The following CNTN4 variants were observed in gnomAD, a reference collection of about 807,000 sequenced individuals.
The protein encoded by CNTN4 is contactin-4.
CNTN4 carries 77 observed loss-of-function variants against 122.5 expected under a neutral mutation model. That is an observed-to-expected ratio of 0.63 (90% CI 0.52 to 0.76). The LOEUF is 0.76. CNTN4 is among the 30% of genes least tolerant of loss of function. The pLI is 0.00. For synonymous variants in CNTN4, 512 were observed against 447.0 expected (o/e 1.15, Z -1.83); for missense variants, 1,256 against 1,259.1 (o/e 1.00, Z 0.04).
intron 2 of CNTN4, among the ~76,000 whole-genome samples, chr3:2,259,363 T>C (rs1024887382): frequency 6.6e-6 from 1 of 152,344 alleles, no homozygotes; most frequent in Middle Eastern, 3.4e-3. Context: ...TATTTAGTTA[T>C]TCTCATGTTA....
At chr3:2,741,998 A>T (rs553177162) in intron 5 of CNTN4, among the ~76,000 whole-genome samples, 1 of 152,246 alleles carries the variant, frequency 6.6e-6, no homozygotes, top group Non-Finnish European at 1.5e-5. Flanking sequence ...GTGTCTCTGT[A>T]ACATAATAGC....
chr3:2,571,959 G>T (rs1462603762), intron 4 of CNTN4, among the ~76,000 whole-genome samples: 1 of 152,138 alleles, frequency 6.6e-6, no homozygotes, highest in Non-Finnish European at 1.5e-5. Context: ...CAGTGTCTTT[G>T]TTGATACCAC....
intron 6 of CNTN4, among the ~76,000 whole-genome samples, chr3:2,765,046 A>G (rs1369896081): frequency 1.3e-5 from 2 of 152,180 alleles, no homozygotes; most frequent in Non-Finnish European, 2.9e-5. Flanking sequence ...GTCAGAGGGA[A>G]TAATTTGTTT....
intron 6 of CNTN4, among the ~76,000 whole-genome samples, chr3:2,746,025 CA>C (rs1436313413): frequency 2.6e-5 from 4 of 150,986 alleles, no homozygotes; most frequent in Admixed American, 6.6e-5. Flanking sequence ...TTGACACCCA[CA>C]CACACCCACA....
rs571096111 is a variant in CNTN4, at chr3:2,279,646, C to G, written c.-144-59532C>G. Among the ~76,000 whole-genome samples, 82 of 152,148 alleles carry G rather than the reference C, an allele frequency of 5.4e-4. No individual in the cohort carries two copies. In the South Asian group the frequency reaches 8.7e-3, roughly 16 times the overall value. On this transcript the variant is annotated intron_variant, in intron 2 of 24. Coordinates refer to ENST00000418658, the MANE Select transcript of CNTN4 (RefSeq NM_175607.3). ...TATTTTGTCAAACCAGATGAAAAGG[C>G]ATTTTTGACAGGATTGCCTGTTTTT...
chr3:2,658,184 A>C (rs1423369313), intron 4 of CNTN4, among the ~76,000 whole-genome samples: 1 of 151,672 alleles, frequency 6.6e-6, no homozygotes, highest in Non-Finnish European at 1.5e-5. Context: ...CACCTTTTGC[A>C]GCGGGGAGGA....
At chr3:2,931,239 A>G (rs1219020934) in intron 13 of CNTN4, among the ~76,000 whole-genome samples, 1 of 152,194 alleles carries the variant, frequency 6.6e-6, no homozygotes, top group Non-Finnish European at 1.5e-5. Context: ...TATACGGACT[A>G]TTAAAGGGTA....
intron 3 of CNTN4, among the ~76,000 whole-genome samples, chr3:2,495,637 C>T (rs924521235): frequency 1.3e-5 from 2 of 152,164 alleles, no homozygotes; most frequent in African/African-American, 4.8e-5. Context: ...ATTAGATTCT[C>T]ATGGGAGTGC....
rs1480299636 is a variant in CNTN4, at chr3:2,943,627, TATA to T, written c.1358+17849_1358+17851del. ...ATAAATATATTTATATATATATATA[TATA>T]TTTTTTTTTTTTGAGACGGAGTCTT... On this transcript the variant is annotated intron_variant, in intron 13 of 24. Transcript: ENST00000418658. 9.3e-4 allele frequency among the ~76,000 whole-genome samples: 65 copies of T among 70,174 alleles called. 1 individual carries two copies. Among genetic ancestry groups the T allele is most frequent in the South Asian group, 4.8e-3 (9 of 1,882 alleles). 46.0% of individuals were successfully genotyped at this position (70,174 alleles called of 152,430 possible). A position where few individuals can be genotyped will look rare whatever the true frequency, so the allele number is the denominator to read the frequency against.
At chr3:2,880,579 T>C (rs569205457) in intron 8 of CNTN4, among the ~76,000 whole-genome samples, 19 of 152,294 alleles carry the variant, frequency 1.2e-4, no homozygotes, top group African/African-American at 4.6e-4. Flanking sequence ...GTGCAGATGC[T>C]GAAAGAAAGG....
intron 6 of CNTN4, among the ~76,000 whole-genome samples, chr3:2,760,775 C>G (rs2090554580): frequency 6.6e-6 from 1 of 152,140 alleles, no homozygotes; most frequent in Non-Finnish European, 1.5e-5. Flanking sequence ...TTTAGGTAAC[C>G]ACACATTTGG....
rs201227786 is a variant in CNTN4 at position 2,918,386 on chromosome 3, C to T, written c.1208-7243C>T. On this transcript the variant is annotated intron_variant, in intron 12 of 24. Transcript: ENST00000418658. ...GACATACTGGGGAGGAAAGAGGAGACCATGTGCTTCTGCCGAACAAGACCC... is the reference window on the plus strand; with the variant it reads ...GACATACTGGGGAGGAAAGAGGAGATCATGTGCTTCTGCCGAACAAGACCC... Among the ~76,000 whole-genome samples the T allele has an allele frequency of 3.3e-5, 5 of 152,150 alleles. No individual in the cohort carries two copies. In the East Asian group the frequency reaches 5.8e-4, roughly 18 times the overall value.
rs376636447 is a variant in CNTN4 at position 2,885,755 on chromosome 3, T to C, written c.756-1285T>C. On this transcript the variant is annotated intron_variant, in intron 9 of 24. Transcript: ENST00000418658. ...AGGCAGGGCTTGGCTGGCTGATTCT[T>C]TTGCTTTTAGTGGCATCCTTCAGGT... 3.9e-5 allele frequency among the ~76,000 whole-genome samples: 6 copies of C among 152,334 alleles called. No homozygotes were observed. The East Asian group carries it at 5.8e-4, about 15-fold the overall frequency.
chr3:2,916,238 T>G (rs920386253), intron 12 of CNTN4, among the ~76,000 whole-genome samples: 8 of 151,960 alleles, frequency 5.3e-5, no homozygotes, highest in African/African-American at 1.7e-4. Flanking sequence ...CATTCTTGGG[T>G]GTTTCTCCGA....
At chr3:2,490,103 T>C (rs1381154229) in intron 3 of CNTN4, among the ~76,000 whole-genome samples, 1 of 149,118 alleles carries the variant, frequency 6.7e-6, no homozygotes. Flanking sequence ...ACCTCTCAAG[T>C]AACAGCCATA....
At chr3:2,375,971 T>G (rs1325129314) in intron 3 of CNTN4, among the ~76,000 whole-genome samples, 1 of 152,148 alleles carries the variant, frequency 6.6e-6, no homozygotes, top group Admixed American at 6.5e-5. Context: ...GCTTAATGGT[T>G]GATATATTTT....
intron 3 of CNTN4, among the ~76,000 whole-genome samples, chr3:2,514,345 G>A (rs948190004): frequency 6.6e-6 from 1 of 151,982 alleles, no homozygotes; most frequent in African/African-American, 2.4e-5. Context: ...ACAAGTTAAA[G>A]AGTGAATATG....
chr3:2,432,891 A>T (rs2048128614), intron 3 of CNTN4, among the ~76,000 whole-genome samples: 1 of 150,444 alleles, frequency 6.6e-6, no homozygotes, highest in African/African-American at 2.5e-5. Flanking sequence ...TCACTGCAGC[A>T]TCCACAGCTC....
intron 3 of CNTN4, among the ~76,000 whole-genome samples, chr3:2,416,960 C>T (rs766524105): frequency 2.0e-5 from 3 of 152,114 alleles, no homozygotes; most frequent in Admixed American, 6.5e-5. Context: ...GGCCCAGTGT[C>T]GCAACTTTCT....
Sources: gnomAD v4.1 joint callset for allele counts (sites outside exome capture counted in the v4.1 genomes callset) on GRCh38, gnomAD v4.1.1 for gene constraint, MANE v1.5 for transcripts, NCBI Gene and HGNC (gene_info 2026-07-23, HGNC 2026-07-21) for gene names.